The following SMG6 variants were observed in gnomAD, a reference collection of about 807,000 sequenced individuals.
The protein encoded by SMG6 is telomerase-binding protein EST1A.
A neutral mutation model predicts 142.2 loss-of-function variants in SMG6; 66 were observed. The observed-to-expected ratio is 0.46, with a 90% CI of 0.38 to 0.57. The LOEUF (loss-of-function observed/expected upper bound fraction) is 0.57. Among genes scored for constraint, SMG6 ranks in the 20% least tolerant of loss-of-function variants. The probability of loss-of-function intolerance (pLI) is 0.00; values close to 1 mark genes in which losing one functional copy is unlikely to be tolerated. For synonymous variants in SMG6, 779 were observed against 702.4 expected, an observed-to-expected ratio of 1.11 and a Z score of -1.72; for missense variants, 1,793 against 1,832.0, an observed-to-expected ratio of 0.98 and a Z score of 0.39.
At chr17:2,063,889 A>C (rs2067859985) in intron 18 of SMG6, among the ~76,000 whole-genome samples, 1 of 152,184 alleles carries the variant, frequency 6.6e-6, no homozygotes, top group Non-Finnish European at 1.5e-5. Flanking sequence ...CGGGGACAGA[A>C]CATAACCTCC....
intron 13 of SMG6, among the ~76,000 whole-genome samples, chr17:2,107,780 T>C (rs1235929877): frequency 6.6e-6 from 1 of 152,134 alleles, no homozygotes; most frequent in Non-Finnish European, 1.5e-5. Context: ...AGGTGGCATG[T>C]TCATGGGACT....
intron 6 of SMG6, among the ~76,000 whole-genome samples, chr17:2,289,001 C>G (rs1306761448): frequency 2.0e-5 from 3 of 150,000 alleles, no homozygotes; most frequent in Non-Finnish European, 4.4e-5. Flanking sequence ...ATGGCGTGAA[C>G]CCGGGAGGTG....
chr17:2,114,774 C>A (rs541679131), intron 13 of SMG6, among the ~76,000 whole-genome samples: 2 of 151,744 alleles, frequency 1.3e-5, no homozygotes, highest in South Asian at 4.2e-4. Flanking sequence ...ACTAAAAATA[C>A]AAAAATCAGT....
At chr17:2,121,506 G>A (rs575950344) in intron 13 of SMG6, among the ~76,000 whole-genome samples, 25 of 151,876 alleles carry the variant, frequency 1.6e-4, no homozygotes, top group Non-Finnish European at 3.4e-4. Context: ...GGACAGAGGT[G>A]GAGATAAGGG....
intron 8 of SMG6, among the ~76,000 whole-genome samples, chr17:2,271,652 T>C (rs1030655638): frequency 6.6e-6 from 1 of 151,882 alleles, no homozygotes; most frequent in African/African-American, 2.4e-5. Context: ...GAGGCAGAGA[T>C]TGCAGTGAGC....
intron 14 of SMG6, among the ~76,000 whole-genome samples, chr17:2,083,004 T>C (rs895658851): frequency 6.6e-6 from 1 of 152,188 alleles, no homozygotes; most frequent in African/African-American, 2.4e-5. Context: ...ATCTTATAAA[T>C]GAACAAACTG....
At chr17:2,235,037 C>T (rs1453923961) in intron 10 of SMG6, among the ~76,000 whole-genome samples, 3 of 152,186 alleles carry the variant, frequency 2.0e-5, no homozygotes, top group Admixed American at 2.0e-4. Context: ...AGGAGGGCAC[C>T]TCAGGAGGGC....
intron 7 of SMG6, 87 bp downstream of exon 7, chr17:2,283,538 C>T: frequency 9.5e-7 from 1 of 1,057,926 alleles, no homozygotes; most frequent in Non-Finnish European, 1.5e-6. Flanking sequence ...TGGCTACGAT[C>T]CTGCCGGTGC....
At chr17:2,218,829 T>C (rs2073092880) in intron 10 of SMG6, among the ~76,000 whole-genome samples, 1 of 151,804 alleles carries the variant, frequency 6.6e-6, no homozygotes, top group South Asian at 2.1e-4. Context: ...CTACGAACTT[T>C]GGGTGATGAT....
intron 10 of SMG6, among the ~76,000 whole-genome samples, chr17:2,200,538 A>C (rs2072487987): frequency 6.6e-6 from 1 of 151,740 alleles, no homozygotes; most frequent in Non-Finnish European, 1.5e-5. Flanking sequence ...AAAAAAAAAA[A>C]AACTTTTTGT....
intron 13 of SMG6, among the ~76,000 whole-genome samples, chr17:2,137,012 A>T (rs1057224878): frequency 1.3e-5 from 2 of 152,088 alleles, no homozygotes; most frequent in African/African-American, 2.4e-5. Context: ...TAAAATAAAA[A>T]AATTAGCTGG....
chr17:2,258,042 C>CAA (rs2074230565), intron 8 of SMG6, among the ~76,000 whole-genome samples: 1 of 53,000 alleles, frequency 1.9e-5, no homozygotes, highest in Admixed American at 2.4e-4. Context: ...AAAATATACA[C>CAA]ACACACACAC....
At chr17:2,280,586 G>A (rs2074764103) in intron 8 of SMG6, 1 of 985,050 alleles carries the variant, frequency 1.0e-6, no homozygotes, top group South Asian at 4.7e-5. Context: ...TTCTTCGAGG[G>A]CTGGTAGCCT....
At chr17:2,125,830 G>A (rs2069857272) in intron 13 of SMG6, among the ~76,000 whole-genome samples, 1 of 151,788 alleles carries the variant, frequency 6.6e-6, no homozygotes, top group Non-Finnish European at 1.5e-5. Context: ...GCGCATGCCT[G>A]TAATCCCAGG....
chr17:2,161,418 T>A (rs77017480), intron 13 of SMG6, among the ~76,000 whole-genome samples: 17,346 of 150,760 alleles, frequency 0.12, 1,112 homozygotes, highest in African/African-American at 0.15. Flanking sequence ...ATTTATTTAT[T>A]TTTTTTTTTG....
intron 13 of SMG6, chr17:2,127,376 TG>T: frequency 1.6e-6 from 1 of 616,000 alleles, no homozygotes; most frequent in South Asian, 1.5e-5. Context: ...ACTTAAGAAA[TG>T]GTTGAAATGG....
At chr17:2,110,763 T>C (rs985645117) in intron 13 of SMG6, among the ~76,000 whole-genome samples, 2 of 152,230 alleles carry the variant, frequency 1.3e-5, no homozygotes, top group African/African-American at 4.8e-5. Context: ...ATGTGCAAAG[T>C]ATATACATGT....
chr17:2,270,057 T>C (rs2074512864), intron 8 of SMG6, among the ~76,000 whole-genome samples: 1 of 152,038 alleles, frequency 6.6e-6, no homozygotes, highest in Admixed American at 6.6e-5. Flanking sequence ...AAACTAGCAC[T>C]TGAACTCAGG....
chr17:2,245,879 T>C (rs185911942), intron 8 of SMG6, among the ~76,000 whole-genome samples: 153 of 151,986 alleles, frequency 1.0e-3, no homozygotes, highest in African/African-American at 3.6e-3. Flanking sequence ...GAGTTCTCAA[T>C]ACGTTGCCCA....
Sources: gnomAD v4.1 joint callset for allele counts (sites outside exome capture counted in the v4.1 genomes callset) on GRCh38, gnomAD v4.1.1 for gene constraint, MANE v1.5 for transcripts, NCBI Gene and HGNC (gene_info 2026-07-23, HGNC 2026-07-21) for gene names.